The following ROBO2 variants were observed in gnomAD, a reference collection of about 807,000 sequenced individuals.
ROBO2 encodes roundabout homolog 2.
In ROBO2, 53 loss-of-function variants were observed where a neutral mutation model predicts 160.8. That is an observed-to-expected ratio of 0.33 (90% CI 0.26 to 0.41). The LOEUF is 0.41. Ranked by LOEUF, ROBO2 falls within the 10% of genes least tolerant of loss-of-function variation. ROBO2 has a pLI of 1.00. For missense variants in ROBO2, 1,577 were observed against 1,722.4 expected, an observed-to-expected ratio of 0.92 and a Z score of 1.49; for synonymous variants, 664 against 611.7, an observed-to-expected ratio of 1.09 and a Z score of -1.26.
chr3:76,037,651 AAAC>A lies in ROBO2; in HGVS notation c.109+100058_109+100060del, dbSNP rs929396776. Among the ~76,000 whole-genome samples the A allele has an allele frequency of 2.6e-5, 4 of 152,008 alleles. 1 individual carries two copies. The highest frequency in any genetic ancestry group is 9.7e-5 in the African/African-American group (4 of 41,290). ...ATTCTAGGCACTGGGGATTGACTAA[AAAC>A]AACAACAAAAAAATAGGATAATCTG... On this transcript the variant is annotated intron_variant, in intron 2 of 26. Transcript: ENST00000487694.
At chr3:76,865,976 A>G (rs1400085154) in intron 2 of ROBO2, among the ~76,000 whole-genome samples, 1 of 152,110 alleles carries the variant, frequency 6.6e-6, no homozygotes, top group African/African-American at 2.4e-5. Context: ...GAGTTTAAGT[A>G]TAAGAGAGCT....
At chr3:76,548,643 T>C (rs116689690) in intron 2 of ROBO2, among the ~76,000 whole-genome samples, 1 of 150,182 alleles carries the variant, frequency 6.7e-6, no homozygotes, top group African/African-American at 2.5e-5. Context: ...AGGATTTTTT[T>C]TTTTTTTAAT....
Position 77,562,276 on chromosome 3 carries a change from G to A in ROBO2, c.1438-375G>A, listed in dbSNP as rs529743032. Among the ~76,000 whole-genome samples the A allele has an allele frequency of 1.6e-4, 24 of 152,172 alleles. No homozygotes were observed. In the South Asian group the frequency reaches 4.8e-3, roughly 30 times the overall value. ...CATTACTGCTTCTCTGGAATTTTGT[G>A]AGATTCTGAAAGAGTTCTGTTCTGA... On this transcript the variant is annotated intron_variant, in intron 9 of 25. Transcript: ENST00000461745.
At chr3:76,524,826 T>TAAAAAAAAAAAAA (rs58091252) in intron 2 of ROBO2, among the ~76,000 whole-genome samples, 7 of 21,738 alleles carry the variant, frequency 3.2e-4, no homozygotes, top group South Asian at 2.4e-3. Flanking sequence ...CTCTTATTCC[T>TAAAAAAAAAAAAA]AAAAAAAAAA....
At chr3:76,609,192 G>T (rs2087887937) in intron 2 of ROBO2, among the ~76,000 whole-genome samples, 1 of 152,032 alleles carries the variant, frequency 6.6e-6, no homozygotes, top group Non-Finnish European at 1.5e-5. Flanking sequence ...TTGTTTCTGG[G>T]TTCTCTATTC....
intron 6 of ROBO2, among the ~76,000 whole-genome samples, chr3:77,537,027 G>T (rs1170292662): frequency 6.7e-6 from 1 of 148,704 alleles, no homozygotes; most frequent in Non-Finnish European, 1.5e-5. Context: ...TTTCAGGCAG[G>T]AGCACATTAT....
At chr3:76,490,335 C>T (rs901541918) in intron 2 of ROBO2, among the ~76,000 whole-genome samples, 2 of 152,272 alleles carry the variant, frequency 1.3e-5, no homozygotes, top group African/African-American at 2.4e-5. Context: ...ACATTTTTGG[C>T]AGAGTTGGCT....
At chr3:77,472,192 A>G (rs2083426192) in intron 2 of ROBO2, among the ~76,000 whole-genome samples, 1 of 152,150 alleles carries the variant, frequency 6.6e-6, no homozygotes, top group African/African-American at 2.4e-5. Flanking sequence ...CCACTTTGTA[A>G]CATTCTGTTC....
At chr3:76,891,972 A>G (rs2074378454) in intron 2 of ROBO2, among the ~76,000 whole-genome samples, 2 of 152,034 alleles carry the variant, frequency 1.3e-5, no homozygotes, top group Non-Finnish European at 2.9e-5. Flanking sequence ...AAATTTAGCA[A>G]ATGTGCCTAC....
At chr3:76,344,900 C>T (rs936036984) in intron 2 of ROBO2, among the ~76,000 whole-genome samples, 1 of 151,970 alleles carries the variant, frequency 6.6e-6, no homozygotes, top group African/African-American at 2.4e-5. Context: ...ATACTTAATC[C>T]TCATTAACCC....
intron 16 of ROBO2, 127 bp from the exon 18 acceptor site, chr3:77,588,624 A>T: frequency 1.1e-6 from 1 of 875,594 alleles, no homozygotes; most frequent in Admixed American, 2.1e-5. Context: ...AATACTTGTG[A>T]TAGGCTCAAA....
At chr3:75,994,734 G>T (rs1275553151) in intron 2 of ROBO2, among the ~76,000 whole-genome samples, 1 of 152,242 alleles carries the variant, frequency 6.6e-6, no homozygotes, top group Non-Finnish European at 1.5e-5. Context: ...TGTGGAAGCA[G>T]CTTTGGAACT....
chr3:76,073,442 C>A (rs907814235), intron 2 of ROBO2, among the ~76,000 whole-genome samples: 4 of 150,886 alleles, frequency 2.7e-5, no homozygotes, highest in Non-Finnish European at 4.4e-5. Flanking sequence ...ACAGGCGCCG[C>A]CCCCACGCCC....
intron 2 of ROBO2, among the ~76,000 whole-genome samples, chr3:76,792,238 A>C (rs1423692418): frequency 6.6e-6 from 1 of 151,898 alleles, no homozygotes; most frequent in African/African-American, 2.4e-5. Context: ...TATGTCATAA[A>C]GTTTTTGCAA....
intron 2 of ROBO2, among the ~76,000 whole-genome samples, chr3:75,941,516 C>T (rs77863243): frequency 2.0e-5 from 3 of 152,012 alleles, no homozygotes. Flanking sequence ...ATTTGGTTTC[C>T]ACGATGAATT....
chr3:77,161,911 A>G (rs533915770), intron 2 of ROBO2, among the ~76,000 whole-genome samples: 2 of 152,196 alleles, frequency 1.3e-5, no homozygotes, highest in South Asian at 4.1e-4. Flanking sequence ...TAATAACTTC[A>G]TCCAAATTAT....
intron 2 of ROBO2, among the ~76,000 whole-genome samples, chr3:76,134,780 G>A (rs1389663624): frequency 6.6e-6 from 1 of 151,826 alleles, no homozygotes; most frequent in Non-Finnish European, 1.5e-5. Context: ...CTAAGTTTGT[G>A]GTAATTTATT....
chr3:77,180,416 C>CTCTCTCTATATA lies in ROBO2; in HGVS notation c.388+82077_388+82078insCTCTCTATATAT, dbSNP rs1433740534. ...TCTCTCTCTCTCTCTCTCTCTCTCTCTATATATATATATATGTATTTTTTT... is the reference window on the plus strand; with the variant it reads ...TCTCTCTCTCTCTCTCTCTCTCTCTCTCTCTCTATATATATATATATATATATGTATTTTTTT... On this transcript the variant is annotated intron_variant, in intron 2 of 25. Transcript: ENST00000461745. Among the ~76,000 whole-genome samples, 190 of 90,714 alleles carry CTCTCTCTATATA rather than the reference C, an allele frequency of 2.1e-3. 1 individual carries two copies. Among genetic ancestry groups the CTCTCTCTATATA allele is most frequent in the African/African-American group, 6.8e-3 (177 of 26,018 alleles). The allele number at this position is 90,714 out of a possible 152,430, so 59.5% of individuals were successfully genotyped here.
intron 2 of ROBO2, among the ~76,000 whole-genome samples, chr3:77,276,276 A>T (rs564218251): frequency 3.2e-4 from 48 of 152,228 alleles, no homozygotes; most frequent in Admixed American, 9.2e-4. Context: ...TTTCTGAACC[A>T]CTTTCCATTA....
Sources: allele counts gnomAD v4.1 joint callset (sites outside exome capture counted in the v4.1 genomes callset), GRCh38; gene constraint gnomAD v4.1.1; transcripts MANE v1.5; gene names NCBI Gene and HGNC (gene_info 2026-07-23, HGNC 2026-07-21).